The following LRG1 variants were observed in gnomAD, a reference collection of about 807,000 sequenced individuals.
LRG1 encodes leucine-rich alpha-2-glycoprotein.
Under a neutral mutation model 2.4 loss-of-function variants are expected in LRG1, and 1 was observed. That is an observed-to-expected ratio of 0.41 (90% confidence interval 0.15 to 1.95). The LOEUF (loss-of-function observed/expected upper bound fraction) is 1.95. LRG1 is among the 30% of genes most tolerant of loss of function. The pLI is 0.30. For missense variants in LRG1, 425 were observed against 436.9 expected, an observed-to-expected ratio of 0.97 and a Z score of 0.24; for synonymous variants, 226 against 210.6, an observed-to-expected ratio of 1.07 and a Z score of -0.63.
chr19:4,537,889 C>G lies in LRG1; in HGVS notation c.*51G>C. ...GCCAAAGGCAGGATTATTTGTTAAG[C>G]GGGTTGCAGTGTTCTACCAGACCCC... On this transcript the variant is annotated 3_prime_UTR_variant, in exon 2 of 2. Transcript: ENST00000306390. 1.3e-6 allele frequency: 2 copies of G among 1,542,954 alleles called. No individual in the cohort carries two copies. The highest frequency in any genetic ancestry group is 1.2e-5 in the South Asian group (1 of 81,574).
In LRG1 at chr19:4,539,864, T is replaced by C. The variant is rs1599768900; in HGVS notation, c.32+118A>G. 98 of 1,188,600 alleles carry C rather than the reference T, an allele frequency of 8.2e-5. No homozygotes were observed. In the East Asian group the frequency reaches 2.3e-3, roughly 28 times the overall value. The allele number at this position is 1,188,600 out of a possible 1,614,324, so 73.6% of individuals were successfully genotyped here. On this transcript the variant is annotated intron_variant, in intron 1 of 1. Coordinates refer to ENST00000306390, the MANE Select transcript of LRG1 (RefSeq NM_052972.3). ...TTCTGTCACAGATAAGGTTGATCTG[T>C]GCCAGCCACCAGGCCTGTATCTGCT...
chr19:4,537,892 G>T lies in LRG1; in HGVS notation c.*48C>A. The T allele has an allele frequency of 6.4e-7, 1 of 1,557,306 alleles. No individual in the cohort carries two copies. Among genetic ancestry groups the T allele is most frequent in the Non-Finnish European group, 8.7e-7 (1 of 1,150,842 alleles). On this transcript the variant is annotated 3_prime_UTR_variant, in exon 2 of 2. Transcript: ENST00000306390. ...AAAGGCAGGATTATTTGTTAAGCGGGTTGCAGTGTTCTACCAGACCCCCCA... is the reference window on the plus strand; with the variant it reads ...AAAGGCAGGATTATTTGTTAAGCGGTTTGCAGTGTTCTACCAGACCCCCCA...
At position 4,538,807 on chromosome 19, in the gene LRG1, A is replaced by AGGTGGT; in HGVS notation, c.171_176dup (p.Pro58_Pro59dup). On this transcript the variant is annotated inframe_insertion, in exon 2 of 2. Coordinates refer to ENST00000306390, the MANE Select transcript of LRG1 (RefSeq NM_052972.3). ...CTGGCAGGTAGCCGGGGATTTCGGC[A>AGGTGGT]GGTGGTTGACAGGAGATGGAGCTGC... The AGGTGGT allele has an allele frequency of 6.2e-7, 1 of 1,603,162 alleles. No homozygotes were observed. The highest frequency in any genetic ancestry group is 8.5e-7 in the Non-Finnish European group (1 of 1,171,868).
Position 4,538,934 on chromosome 19 carries a change from G to A in LRG1, c.50C>T (p.Pro17Leu). 1 of 1,507,602 alleles carries A rather than the reference G, an allele frequency of 6.6e-7. No homozygotes were observed. The highest frequency in any genetic ancestry group is 2.3e-5 in the East Asian group (1 of 43,726). 93.4% of individuals were successfully genotyped at this position (1,507,602 alleles called of 1,614,324 possible). ...CAGGAACAGAGTTCTAGAAACATGG[G>A]GTTGAATGCCCCCTGGGCTGCAGGC... ...QRPKSPGGIQPHVSRTLFLLL... is the reference protein window; with the variant it reads ...QRPKSPGGIQLHVSRTLFLLL... Residue 17 changes from proline to leucine, a missense_variant, in exon 2 of 2, where the codon CCC becomes CTC. Transcript: ENST00000306390.
rs772672074 is a variant in LRG1 at position 4,538,510 on chromosome 19, C to G, written c.474G>C (p.Ser158=). Residue 158 remains serine (S), a synonymous_variant, in exon 2 of 2, where the codon TCG becomes TCC. Coordinates refer to ENST00000306390, the MANE Select transcript of LRG1 (RefSeq NM_052972.3). The part of the protein sequence containing the change: ...KENQLEVLEV[S]WLHGLKALGH... Reference sequence around the variant, plus strand: ...CCAGAGCTTTCAGGCCGTGTAGCCACGAGACCTCCAGGACCTCCAGCTGGT... The same window carrying G: ...CCAGAGCTTTCAGGCCGTGTAGCCAGGAGACCTCCAGGACCTCCAGCTGGT... The G allele has an allele frequency of 6.2e-7, 1 of 1,613,960 alleles. No individual in the cohort carries two copies. The highest frequency in any genetic ancestry group is 8.5e-7 in the Non-Finnish European group (1 of 1,180,032).
At chr19:4,539,051 C>T (rs191292105) in intron 1 of LRG1, 100 bp from the exon 2 acceptor site, 16 of 1,206,756 alleles carry the variant, frequency 1.3e-5, no homozygotes, top group South Asian at 3.8e-5. Context: ...CCCATCTCTG[C>T]GGCTACCAGC....
intron 1 of LRG1, among the ~76,000 whole-genome samples, chr19:4,539,471 AAGAC>A (rs774503924): frequency 2.0e-5 from 3 of 152,184 alleles, no homozygotes; most frequent in Admixed American, 6.5e-5. Context: ...TGCTTGGAGG[AAGAC>A]AGACGTTCAG....
At position 4,537,827 on chromosome 19, in the gene LRG1, A is replaced by G. The variant is rs1976961881; in HGVS notation, c.*113T>C. 3.1e-6 allele frequency: 4 copies of G among 1,271,562 alleles called. No homozygotes were observed. The highest frequency in any genetic ancestry group is 2.1e-6 in the Non-Finnish European group (2 of 942,804). The allele number at this position is 1,271,562 out of a possible 1,614,324, so 78.8% of individuals were successfully genotyped here. On this transcript the variant is annotated 3_prime_UTR_variant, in exon 2 of 2. Coordinates refer to ENST00000306390, the MANE Select transcript of LRG1 (RefSeq NM_052972.3). ...CGTGATCCGCCCACCTGGGCCTCCC[A>G]AAGTGCTGGGATTACAGGCGTGAGC...
Position 4,538,860 on chromosome 19 carries a change from CT to C in LRG1, c.123del (p.Asp42ThrfsTer39). The C allele has an allele frequency of 6.4e-7, 1 of 1,557,758 alleles. No individual in the cohort carries two copies. The highest frequency in any genetic ancestry group is 8.7e-7 in the Non-Finnish European group (1 of 1,146,726). On this transcript the variant is annotated frameshift_variant, in exon 2 of 2. Transcript: ENST00000306390. LOFTEE classifies it low-confidence loss of function (END_TRUNC). ...TGGTCTGAGCGGAACACCTGGCAGT[CT>C]TTGGGGCTCAGGGTGACCCCCCAGG... The part of the protein sequence containing the change: ...ASAWGVTLSP[K>X]DCQVFRSDHG...
chr19:4,539,081 C>A (rs1352770856), intron 1 of LRG1, 130 bp from the exon 2 acceptor site: 4 of 849,534 alleles, frequency 4.7e-6, no homozygotes, highest in East Asian at 5.8e-5. Context: ...GCTACCTCAT[C>A]TCTCACCTGT....
Position 4,538,706 on chromosome 19 carries a change from T to G in LRG1, c.278A>C (p.Lys93Thr), listed in dbSNP as rs1976978317. ...LPANLLQGASKLQELHLSSNG... is the reference protein window; with the variant it reads ...LPANLLQGASTLQELHLSSNG... ...GCTGGAGAGGTGCAATTCTTGGAGC[T>G]TAGAGGCGCCCTGGAGGAGGTTGGC... The change falls in exon 2 of 2, where the codon AAG becomes ACG. Residue 93 changes from lysine to threonine, a missense_variant. Lys to Thr is a moderately conservative substitution (Grantham distance 78). Coordinates refer to ENST00000306390, the MANE Select transcript of LRG1 (RefSeq NM_052972.3). 1 of 1,609,594 alleles carries G rather than the reference T, an allele frequency of 6.2e-7. No homozygotes were observed. The highest frequency in any genetic ancestry group is 1.7e-5 in the Admixed American group (1 of 59,936).
Position 4,538,873 on chromosome 19 carries a change from G to T in LRG1, c.111C>A (p.Thr37=). The change falls in exon 2 of 2, where the codon ACC becomes ACA. Residue 37 remains threonine (T), a synonymous_variant. Coordinates refer to ENST00000306390, the MANE Select transcript of LRG1 (RefSeq NM_052972.3). ...ACACCTGGCAGTCTTTGGGGCTCAG[G>T]GTGACCCCCCAGGCTGAGGCTGCCA... ...LLLAASAWGV[T]LSPKDCQVFR... 6.5e-7 allele frequency: 1 copy of T among 1,539,662 alleles called. No individual in the cohort carries two copies. The highest frequency in any genetic ancestry group is 1.2e-5 in the South Asian group (1 of 80,506).
Position 4,538,355 on chromosome 19 carries a change from C to A in LRG1, c.629G>T (p.Gly210Val), listed in dbSNP as rs767041022. 6.9e-5 allele frequency: 111 copies of A among 1,614,206 alleles called. No homozygotes were observed. The Admixed American group carries it at 1.1e-3, about 16-fold the overall frequency. ...LETLPPDLLRGPLQLERLHLE... is the reference protein window; with the variant it reads ...LETLPPDLLRVPLQLERLHLE... ...ATGTAGCCGTTCTAATTGCAGCGGA[C>A]CCCTCAGGAGGTCAGGTGGCAAGGT... The change falls in exon 2 of 2, where the codon GGT becomes GTT. Residue 210 changes from glycine (G) to valine (V), a missense_variant. Transcript: ENST00000306390.
At position 4,538,899 on chromosome 19, in the gene LRG1, A is replaced by ACAG. The variant is rs1174231336; in HGVS notation, c.82_84dup (p.Leu29dup). 1 of 1,519,638 alleles carries ACAG rather than the reference A, an allele frequency of 6.6e-7. No homozygotes were observed. Among genetic ancestry groups the ACAG allele is most frequent in the African/African-American group, 1.4e-5 (1 of 71,996 alleles). The allele number at this position is 1,519,638 out of a possible 1,614,324, so 94.1% of individuals were successfully genotyped here. On this transcript the variant is annotated inframe_insertion, in exon 2 of 2. Transcript: ENST00000306390. Reference sequence around the variant, plus strand: ...GTGACCCCCCAGGCTGAGGCTGCCAACAGCAGCAGCAGGAACAGAGTTCTA... The same window carrying ACAG: ...GTGACCCCCCAGGCTGAGGCTGCCAACAGCAGCAGCAGCAGGAACAGAGTTCTA...
In LRG1 at chr19:4,536,813, G is replaced by C. The variant is rs1311412775; in HGVS notation, c.*1127C>G. The C allele has an allele frequency of 6.6e-6, 1 of 152,252 alleles. No homozygotes were observed. The highest frequency in any genetic ancestry group is 2.4e-5 in the African/African-American group (1 of 41,434). 9.4% of individuals were successfully genotyped at this position (152,252 alleles called of 1,614,324 possible). On this transcript the variant is annotated 3_prime_UTR_variant, in exon 2 of 2. Coordinates refer to ENST00000306390, the MANE Select transcript of LRG1 (RefSeq NM_052972.3). ...CACATGGCCAATGCTGTATCAGCAGGTGGGCCCGGGACCCTGCTCATCCCT... is the reference window on the plus strand; with the variant it reads ...CACATGGCCAATGCTGTATCAGCAGCTGGGCCCGGGACCCTGCTCATCCCT...
Position 4,538,358 on chromosome 19 carries a change from CT to C in LRG1, c.625del (p.Arg209GlyfsTer6). On this transcript the variant is annotated frameshift_variant, in exon 2 of 2. Coordinates refer to ENST00000306390, the MANE Select transcript of LRG1 (RefSeq NM_052972.3). LOFTEE classifies it low-confidence loss of function (END_TRUNC). ...TAGCCGTTCTAATTGCAGCGGACCC[CT>C]CAGGAGGTCAGGTGGCAAGGTCTCC... is the stretch of plus-strand genomic sequence containing the variant. ...QLETLPPDLLRGPLQLERLHL... is the reference protein window; with the variant it reads ...QLETLPPDLLXGPLQLERLHL... The C allele has an allele frequency of 6.2e-7, 1 of 1,614,208 alleles. No homozygotes were observed. The highest frequency in any genetic ancestry group is 8.5e-7 in the Non-Finnish European group (1 of 1,180,038).
At position 4,538,103 on chromosome 19, in the gene LRG1, A is replaced by G; in HGVS notation, c.881T>C (p.Phe294Ser). The G allele has an allele frequency of 6.2e-7, 1 of 1,614,154 alleles. No homozygotes were observed. Among genetic ancestry groups the G allele is most frequent in the Non-Finnish European group, 8.5e-7 (1 of 1,180,032 alleles). ...GQPNWDMRDGFDISGNPWICD... is the reference protein window; with the variant it reads ...GQPNWDMRDGSDISGNPWICD... ...GATCCAGGGGTTGCCGGAGATGTCG[A>G]AGCCATCCCGCATGTCCCAGTTTGG... Residue 294 changes from phenylalanine (F) to serine (S), a missense_variant, in exon 2 of 2, where the codon TTC (phenylalanine) becomes TCC (serine). Phe to Ser is a radical substitution (Grantham distance 155). Transcript: ENST00000306390.
rs1263500089 is a variant in LRG1 at position 4,538,372 on chromosome 19, T to C, written c.612A>G (p.Pro204=). 6.2e-7 allele frequency: 1 copy of C among 1,614,042 alleles called. No homozygotes were observed. The highest frequency in any genetic ancestry group is 1.3e-5 in the African/African-American group (1 of 74,928). ...GCAGCGGACCCCTCAGGAGGTCAGG[T>C]GGCAAGGTCTCCAACTGGTTCTCCC... ...DLGENQLETL[P]PDLLRGPLQL... Residue 204 remains proline, a synonymous_variant, in exon 2 of 2, where the codon CCA becomes CCG. Coordinates refer to ENST00000306390, the MANE Select transcript of LRG1 (RefSeq NM_052972.3).
rs1976971280 is a variant in LRG1 at position 4,538,331 on chromosome 19, T to C, written c.653A>G (p.His218Arg). The change falls in exon 2 of 2, where the codon CAT (histidine) becomes CGT (arginine). Residue 218 changes from histidine (H) to arginine (R), a missense_variant. Transcript: ENST00000306390. ...LRGPLQLERL[H>R]LEGNKLQVLG... Reference sequence around the variant, plus strand: ...TACTTGCAATTTGTTGCCTTCTAGATGTAGCCGTTCTAATTGCAGCGGACC... The same window carrying C: ...TACTTGCAATTTGTTGCCTTCTAGACGTAGCCGTTCTAATTGCAGCGGACC... The C allele has an allele frequency of 7.4e-6, 12 of 1,614,190 alleles. No homozygotes were observed. In the East Asian group the frequency reaches 2.7e-4, roughly 36 times the overall value.
Sources: allele counts gnomAD v4.1 joint callset (sites outside exome capture counted in the v4.1 genomes callset), GRCh38; gene constraint gnomAD v4.1.1; transcripts MANE v1.5; gene names NCBI Gene and HGNC (gene_info 2026-07-23, HGNC 2026-07-21).